MAP3K15: variants seen among roughly 807,000 people sequenced by gnomAD.
The protein encoded by MAP3K15 is mitogen-activated protein kinase kinase kinase 15.
Under a neutral mutation model 99.5 loss-of-function variants are expected in MAP3K15, and 124 were observed. The observed-to-expected ratio is 1.25, with a 90% CI of 1.08 to 1.45. The LOEUF (loss-of-function observed/expected upper bound fraction) is 1.45, where lower values mean the gene tolerates loss of function less well. MAP3K15 is among the 40% of genes most tolerant of loss of function. The pLI, the probability that MAP3K15 is intolerant of heterozygous loss-of-function variation, is 0.00. For synonymous variants in MAP3K15, 494 were observed against 439.6 expected (o/e 1.12, Z -1.55); for missense variants, 1,242 against 1,079.7 (o/e 1.15, Z -2.11).
chrX:19,461,682 T>C (rs1349997409), intron 4 of MAP3K15, among the ~76,000 whole-genome samples: 3 of 111,368 alleles, frequency 2.7e-5, no homozygotes, highest in Non-Finnish European at 1.9e-5. Context: ...GCAGTAATAC[T>C]GTCGTCCCAT....
At position 19,444,483 on chromosome X, in the gene MAP3K15, G is replaced by A. The variant is rs550615681; in HGVS notation, c.995+12430C>T. 3.6e-5 allele frequency among the ~76,000 whole-genome samples: 4 copies of A among 111,690 alleles called. No homozygotes were observed. In the South Asian group the frequency reaches 1.5e-3, roughly 43 times the overall value. On this transcript the variant is annotated intron_variant, in intron 6 of 28. Transcript: ENST00000338883. ...TAAAACTTTTCTACCTGCTCAGAAC[G>A]ATATTCGTTGGCCGCTCAATCACGC... is the stretch of plus-strand genomic sequence containing the variant.
chrX:19,470,851 G>A (rs756752225), intron 3 of MAP3K15, among the ~76,000 whole-genome samples: 1 of 111,990 alleles, frequency 8.9e-6, no homozygotes, highest in African/African-American at 3.2e-5. Flanking sequence ...TGACTTGAAA[G>A]CAGATATTAC....
At chrX:19,365,916 A>G (rs1309684659) in intron 25 of MAP3K15, among the ~76,000 whole-genome samples, 1 of 104,347 alleles carries the variant, frequency 9.6e-6, no homozygotes, top group African/African-American at 3.5e-5. Context: ...CTGAGGCAGG[A>G]GAATCGCTTG....
At chrX:19,511,104 A>G (rs2064514642) in intron 1 of MAP3K15, among the ~76,000 whole-genome samples, 1 of 112,068 alleles carries the variant, frequency 8.9e-6, no homozygotes, top group Non-Finnish European at 1.9e-5. Context: ...TGCTGGGAAA[A>G]CTGGCTAGCC....
chrX:19,460,787 T>G (rs1167052038), intron 4 of MAP3K15, among the ~76,000 whole-genome samples: 3 of 109,515 alleles, frequency 2.7e-5, no homozygotes, highest in Non-Finnish European at 3.8e-5. Flanking sequence ...TTTTATTTAT[T>G]TTTTTGAGAC....
intron 9 of MAP3K15, among the ~76,000 whole-genome samples, chrX:19,419,991 T>G (rs902238981): frequency 5.4e-5 from 6 of 111,354 alleles, no homozygotes; most frequent in African/African-American, 1.6e-4. Flanking sequence ...TTGAAACCAA[T>G]GAGAAAAAAG....
intron 9 of MAP3K15, among the ~76,000 whole-genome samples, chrX:19,417,258 C>A (rs78132785): frequency 8.9e-6 from 1 of 112,500 alleles, no homozygotes; most frequent in African/African-American, 3.2e-5. Flanking sequence ...CTGCCTCACC[C>A]GGGAAGCACA....
intron 3 of MAP3K15, among the ~76,000 whole-genome samples, chrX:19,483,831 A>T (rs897311627): frequency 2.7e-5 from 3 of 111,598 alleles, no homozygotes; most frequent in African/African-American, 9.8e-5. Context: ...TGTTTACCCT[A>T]CTTCCATCCC....
chrX:19,495,462 G>A (rs919159108), intron 1 of MAP3K15, among the ~76,000 whole-genome samples: 4 of 111,592 alleles, frequency 3.6e-5, no homozygotes, highest in African/African-American at 1.3e-4. Context: ...GGAAGGAGGG[G>A]AGGCGTGAGG....
rs137885252 is a variant in MAP3K15, at chrX:19,437,279, C to T, written c.996-5671G>A. 1.4e-3 allele frequency among the ~76,000 whole-genome samples: 161 copies of T among 111,788 alleles called. 1 individual carries two copies. In the East Asian group the frequency reaches 0.039, roughly 27 times the overall value. Reference sequence around the variant, plus strand: ...ACACAGAAGTCATAGTGATCCTCTGCGCTGTAAGGCAGGTCATGTCATCCT... The same window carrying T: ...ACACAGAAGTCATAGTGATCCTCTGTGCTGTAAGGCAGGTCATGTCATCCT... On this transcript the variant is annotated intron_variant, in intron 6 of 28. Transcript: ENST00000338883.
chrX:19,421,812 C>G lies in MAP3K15; in HGVS notation c.1439+3719G>C, dbSNP rs1410545785. ...AGGCTACGGTAACCAAAACAGCATGCTACTGGTACCAAAACAGAGATATAG... is the reference window on the plus strand; with the variant it reads ...AGGCTACGGTAACCAAAACAGCATGGTACTGGTACCAAAACAGAGATATAG... On this transcript the variant is annotated intron_variant, in intron 9 of 28. Transcript: ENST00000338883. Among the ~76,000 whole-genome samples the G allele has an allele frequency of 2.4e-3, 269 of 110,078 alleles. 2 individuals carry two copies. The highest frequency in any genetic ancestry group is 9.3e-3 in the Middle Eastern group (2 of 216).
chrX:19,504,055 G>A (rs2064458188), intron 1 of MAP3K15, among the ~76,000 whole-genome samples: 2 of 105,030 alleles, frequency 1.9e-5, no homozygotes, highest in Middle Eastern at 4.7e-3. Context: ...AGGAAGGTGA[G>A]GTTACAGTGA....
intron 25 of MAP3K15, among the ~76,000 whole-genome samples, chrX:19,363,653 TTTG>T (rs1179961218): frequency 1.1e-5 from 1 of 94,255 alleles, no homozygotes; most frequent in Non-Finnish European, 1.9e-5. Flanking sequence ...TTATTTTGTT[TTTG>T]TTTTTTTTTT....
In MAP3K15 at chrX:19,380,317, T is replaced by C. The variant is rs16981129; in HGVS notation, c.2432-40A>G. The C allele has an allele frequency of 2.0e-3, 2,377 of 1,190,977 alleles. 37 individuals carry two copies. The African/African-American group carries it at 0.038, about 19-fold the overall frequency. On this transcript the variant is annotated intron_variant, in intron 18 of 28. Transcript: ENST00000338883. ...AACAAACAGGCTGTGGGTACCATAT[T>C]GCTCAGAAACTAAGTGGCCTGTAGT...
intron 9 of MAP3K15, among the ~76,000 whole-genome samples, chrX:19,423,039 C>T (rs756357325): frequency 3.7e-4 from 17 of 45,999 alleles, no homozygotes; most frequent in Non-Finnish European, 4.9e-4. Flanking sequence ...GGGGTGGGGG[C>T]GGGGGAGGGT....
intron 1 of MAP3K15, among the ~76,000 whole-genome samples, chrX:19,489,341 C>T (rs2064350932): frequency 9.0e-6 from 1 of 111,319 alleles, no homozygotes; most frequent in Non-Finnish European, 1.9e-5. Context: ...AGAGGGTTAC[C>T]TGCACTCAGG....
At chrX:19,372,041 G>A (rs1226589035) in intron 22 of MAP3K15, among the ~76,000 whole-genome samples, 1 of 109,043 alleles carries the variant, frequency 9.2e-6, no homozygotes, top group Non-Finnish European at 1.9e-5. Flanking sequence ...GGCTGAGGCG[G>A]GAGAATCACT....
At chrX:19,476,080 G>C (rs1364004430) in intron 3 of MAP3K15, among the ~76,000 whole-genome samples, 1 of 112,315 alleles carries the variant, frequency 8.9e-6, no homozygotes, top group African/African-American at 3.2e-5. Context: ...TGATATGTCT[G>C]AGTTTGTACC....
At chrX:19,396,482 C>A (rs1265120172) in intron 15 of MAP3K15, among the ~76,000 whole-genome samples, 1 of 112,169 alleles carries the variant, frequency 8.9e-6, no homozygotes, top group East Asian at 2.8e-4. Context: ...TCAAGAGACT[C>A]GGATCCTAGT....
Sources: gnomAD v4.1 joint callset for allele counts (sites outside exome capture counted in the v4.1 genomes callset) on GRCh38, gnomAD v4.1.1 for gene constraint, MANE v1.5 for transcripts, NCBI Gene and HGNC (gene_info 2026-07-23, HGNC 2026-07-21) for gene names.